The following DAB1 variants were observed in gnomAD, a reference collection of about 807,000 sequenced individuals.
DAB1 encodes the protein DAB adaptor protein 1.
A neutral mutation model predicts 64.6 loss-of-function variants in DAB1; 15 were observed. The ratio of observed to expected loss-of-function variants is 0.23; its 90% CI spans 0.16 to 0.36. DAB1 has a LOEUF of 0.36. Ranked by LOEUF, DAB1 falls within the 10% of genes least tolerant of loss-of-function variation. The pLI is 1.00. For synonymous variants in DAB1, 235 were observed against 251.9 expected (o/e 0.93, Z 0.64); for missense variants, 596 against 706.7 (o/e 0.84, Z 1.78).
intron 4 of DAB1, among the ~76,000 whole-genome samples, chr1:58,248,265 G>A (rs1041519765): frequency 1.3e-5 from 2 of 152,060 alleles, no homozygotes; most frequent in African/African-American, 4.8e-5. Flanking sequence ...CTTTCCACTG[G>A]GAGCGAGGTG....
At chr1:57,619,529 A>T (rs915245854) in intron 7 of DAB1, among the ~76,000 whole-genome samples, 1 of 152,014 alleles carries the variant, frequency 6.6e-6, no homozygotes, top group Non-Finnish European at 1.5e-5. Flanking sequence ...GCCTCCAATT[A>T]GCTAGGACCA....
chr1:58,176,673 A>G (rs1342656379), intron 4 of DAB1, among the ~76,000 whole-genome samples: 1 of 152,118 alleles, frequency 6.6e-6, no homozygotes, highest in Non-Finnish European at 1.5e-5. Context: ...TCATGGGCTA[A>G]TCACTTCTTA....
chr1:57,686,167 CA>C (rs1471098848), intron 6 of DAB1, among the ~76,000 whole-genome samples: 5 of 151,960 alleles, frequency 3.3e-5, no homozygotes, highest in Non-Finnish European at 4.4e-5. Context: ...GCTAGATTAA[CA>C]AAAAAAGGAA....
Position 57,746,895 on chromosome 1 carries a change from T to C in DAB1, n.552-97230A>G, listed in dbSNP as rs1204731789. On this transcript the variant is annotated intron_variant and non_coding_transcript_variant, in intron 6 of 20. Coordinates refer to the DAB1 transcript ENST00000485760. ...TTTTTTTTGTCTTTTACGTACTGAT[T>C]TAATGTTTCTCTGTGTATTCTAGAT... 2.0e-5 allele frequency among the ~76,000 whole-genome samples: 3 copies of C among 152,180 alleles called. No homozygotes were observed. In the East Asian group the frequency reaches 5.8e-4, roughly 29 times the overall value.
downstream of DAB1, among the ~76,000 whole-genome samples, chr1:57,824,833 TAA>T (rs1353284511): frequency 6.6e-6 from 1 of 152,180 alleles, no homozygotes; most frequent in Non-Finnish European, 1.5e-5. Context: ...AGAGGAGCAC[TAA>T]AGTTTCCTGG....
intron 4 of DAB1, among the ~76,000 whole-genome samples, chr1:58,260,939 C>T (rs1489907556): frequency 6.6e-6 from 1 of 152,118 alleles, no homozygotes. Flanking sequence ...GAGACTGTTT[C>T]TTTTATTTCT....
chr1:57,543,222 T>C (rs1644822669), intron 7 of DAB1, among the ~76,000 whole-genome samples: 1 of 152,172 alleles, frequency 6.6e-6, no homozygotes, highest in Admixed American at 6.5e-5. Flanking sequence ...ATTAATACAC[T>C]GTTGAAGGGC....
At chr1:58,070,611 G>T (rs2100569938) in intron 5 of DAB1, among the ~76,000 whole-genome samples, 1 of 152,302 alleles carries the variant, frequency 6.6e-6, no homozygotes, top group Non-Finnish European at 1.5e-5. Flanking sequence ...ATTTGAGAAG[G>T]TAAAGACTGG....
At chr1:57,391,487 C>T (rs1016314132) in intron 1 of DAB1, among the ~76,000 whole-genome samples, 15 of 152,084 alleles carry the variant, frequency 9.9e-5, no homozygotes, top group Non-Finnish European at 1.5e-5. Flanking sequence ...GGGAGGTATA[C>T]TAAAAACATC....
chr1:57,716,804 A>G (rs1295404103), intron 6 of DAB1, among the ~76,000 whole-genome samples: 1 of 152,246 alleles, frequency 6.6e-6, no homozygotes, highest in Non-Finnish European at 1.5e-5. Flanking sequence ...ACCAACCTAC[A>G]GAATGGGAGA....
intron 4 of DAB1, among the ~76,000 whole-genome samples, chr1:57,083,650 G>A (rs1373983133): frequency 6.6e-6 from 1 of 152,202 alleles, no homozygotes; most frequent in South Asian, 2.1e-4. Context: ...ACAAAAAAGT[G>A]AATTGACTAA....
chr1:58,018,328 T>G (rs896397976), intron 5 of DAB1, among the ~76,000 whole-genome samples: 8 of 152,166 alleles, frequency 5.3e-5, no homozygotes, highest in African/African-American at 1.9e-4. Flanking sequence ...ATCTCTGGAT[T>G]TAACCTGTCC....
intron 4 of DAB1, among the ~76,000 whole-genome samples, chr1:58,172,611 A>C (rs1472350720): frequency 6.6e-6 from 1 of 152,220 alleles, no homozygotes; most frequent in African/African-American, 2.4e-5. Context: ...ATTATAGTAC[A>C]GACTTATGCC....
chr1:57,607,827 T>C (rs1001790489), intron 7 of DAB1, among the ~76,000 whole-genome samples: 2 of 152,136 alleles, frequency 1.3e-5, no homozygotes, highest in Non-Finnish European at 2.9e-5. Context: ...TTTAAGAAAG[T>C]CTGAAGGCAG....
intron 6 of DAB1, among the ~76,000 whole-genome samples, chr1:57,668,042 T>A (rs4372283): frequency 0.32 from 48,295 of 151,610 alleles, 8,106 homozygotes; most frequent in Non-Finnish European, 0.38. Flanking sequence ...TAAAAAAAAA[T>A]TTTTAAAAAG....
At position 57,978,665 on chromosome 1, in the gene DAB1, C is replaced by G. The variant is rs576260010; in HGVS notation, n.388-94503G>C. On this transcript the variant is annotated intron_variant and non_coding_transcript_variant, in intron 5 of 20. Transcript: ENST00000485760. ...TGGGAGAAAAATTTTGCAATCTATC[C>G]ATCTGACAAAGGGCTAATATCCAGA... 2.0e-4 allele frequency among the ~76,000 whole-genome samples: 31 copies of G among 152,184 alleles called. 1 individual carries two copies. The highest frequency in any genetic ancestry group is 2.0e-3 in the Admixed American group (30 of 15,286).
chr1:57,600,519 TCAGGAAACTAC>T (rs1308004426), intron 7 of DAB1, among the ~76,000 whole-genome samples: 2 of 152,014 alleles, frequency 1.3e-5, no homozygotes, highest in African/African-American at 4.8e-5. Flanking sequence ...TGCTTGTGGG[TCAGGAAACTAC>T]CAGAATCCAG....
chr1:57,294,765 G>C (rs1673050791), intron 1 of DAB1, among the ~76,000 whole-genome samples: 1 of 152,140 alleles, frequency 6.6e-6, no homozygotes, highest in South Asian at 2.1e-4. Context: ...AAGCCACATA[G>C]CTAGTAAATA....
chr1:57,939,904 C>T (rs1202894857), intron 5 of DAB1, among the ~76,000 whole-genome samples: 1 of 152,170 alleles, frequency 6.6e-6, no homozygotes, highest in African/African-American at 2.4e-5. Flanking sequence ...CTAAAGAGAA[C>T]ATTAAGGCCT....
Sources: allele counts gnomAD v4.1 joint callset (sites outside exome capture counted in the v4.1 genomes callset), GRCh38; gene constraint gnomAD v4.1.1; transcripts MANE v1.5; gene names NCBI Gene and HGNC (gene_info 2026-07-23, HGNC 2026-07-21).